The following TNS1 variants were observed in gnomAD, a reference collection of about 807,000 sequenced individuals.
TNS1 encodes the protein tensin 1, also known as tensin-1.
In TNS1, 62 loss-of-function variants were observed where a neutral mutation model predicts 168.6. That is an observed-to-expected ratio of 0.37 (90% confidence interval 0.30 to 0.45). The LOEUF (loss-of-function observed/expected upper bound fraction) is 0.45, where lower values mean the gene tolerates loss of function less well. Among genes scored for constraint, TNS1 ranks in the 20% least tolerant of loss-of-function variants. The pLI is 1.00. For synonymous variants in TNS1, 934 were observed against 933.2 expected, an observed-to-expected ratio of 1.00 and a Z score of -0.02; for missense variants, 2,240 against 2,339.4, an observed-to-expected ratio of 0.96 and a Z score of 0.88.
At chr2:217,905,047 G>C (rs964275282) in intron 6 of TNS1, among the ~76,000 whole-genome samples, 1 of 152,226 alleles carries the variant, frequency 6.6e-6, no homozygotes, top group East Asian at 1.9e-4. Context: ...GCCATACAGG[G>C]GTGTCAGGAG....
chr2:217,848,281 A>G lies in TNS1; in HGVS notation c.2236T>C (p.Ser746Pro). The G allele has an allele frequency of 6.5e-7, 1 of 1,548,716 alleles. No homozygotes were observed. The highest frequency in any genetic ancestry group is 8.7e-7 in the Non-Finnish European group (1 of 1,146,924). Residue 746 changes from serine to proline, a missense_variant, in exon 19 of 33, where the codon TCC becomes CCC. By Grantham distance (74) the Ser-to-Pro change is moderately conservative (BLOSUM62 -1). This residue lies in a region of TNS1 where 2,131 missense variants were observed against 2,171.2 expected (regional missense o/e 0.98). Coordinates refer to ENST00000682258, the MANE Select transcript of TNS1 (RefSeq NM_001387777.1). ...AGCTGGGGTTCAGCTTCCGAAAAGGATTGAGAGCGGAACATACCGCTGGGG... is the reference window on the plus strand; with the variant it reads ...AGCTGGGGTTCAGCTTCCGAAAAGGGTTGAGAGCGGAACATACCGCTGGGG... The part of the protein sequence containing the change: ...HDPSGMFRSQ[S>P]FSEAEPQLPP...
At chr2:217,858,839 A>G (rs1037358596) in intron 18 of TNS1, among the ~76,000 whole-genome samples, 8 of 151,986 alleles carry the variant, frequency 5.3e-5, no homozygotes, top group Non-Finnish European at 7.4e-5. Flanking sequence ...GGCTTCACTT[A>G]TCATCCTGCA....
rs769499196 is a variant in TNS1, at chr2:217,817,711, A to G, written c.4621T>C (p.Phe1541Leu). The G allele has an allele frequency of 1.3e-6, 2 of 1,599,240 alleles. No individual in the cohort carries two copies. Among genetic ancestry groups the G allele is most frequent in the Non-Finnish European group, 1.7e-6 (2 of 1,169,148 alleles). ...CCACCTGGCATGGAGTACTTGGAGAAGTCGGGCAGAGTGTGGGAGAAGGAG... is the reference window on the plus strand; with the variant it reads ...CCACCTGGCATGGAGTACTTGGAGAGGTCGGGCAGAGTGTGGGAGAAGGAG... ...TVSFSHTLPD[F>L]SKYSMPDNSP... The change falls in exon 24 of 33, where the codon TTC becomes CTC. Residue 1541 changes from phenylalanine to leucine, a missense_variant. By Grantham distance (22) the Phe-to-Leu change is conservative. Coordinates refer to ENST00000682258, the MANE Select transcript of TNS1 (RefSeq NM_001387777.1).
chr2:217,868,177 T>G (rs1949452373), intron 18 of TNS1, among the ~76,000 whole-genome samples: 1 of 152,146 alleles, frequency 6.6e-6, no homozygotes, highest in Non-Finnish European at 1.5e-5. Context: ...TGATGTGGGG[T>G]TTTTCCTTCT....
intron 1 of TNS1, among the ~76,000 whole-genome samples, chr2:218,018,777 G>A (rs780202936): frequency 6.6e-6 from 1 of 152,174 alleles, no homozygotes; most frequent in Non-Finnish European, 1.5e-5. Flanking sequence ...GCAAACATTG[G>A]CCTGGAAATC....
chr2:217,917,342 G>A lies in TNS1; in HGVS notation c.228+2853C>T, dbSNP rs556441689. Among the ~76,000 whole-genome samples the A allele has an allele frequency of 1.6e-4, 25 of 152,266 alleles. No homozygotes were observed. The South Asian group carries it at 5.0e-3, about 30-fold the overall frequency. ...GCACCTACCGTGTGCAAGGCAGCGG[G>A]GACACAGCACCGAACAAAATAGATA... On this transcript the variant is annotated intron_variant, in intron 4 of 32. Transcript: ENST00000682258.
chr2:217,838,008 G>C (rs1036743299), intron 19 of TNS1, among the ~76,000 whole-genome samples: 4 of 152,234 alleles, frequency 2.6e-5, no homozygotes, highest in Admixed American at 2.6e-4. Flanking sequence ...AAACATTAGA[G>C]AGAAACAGAC....
At chr2:217,819,235 AGAGTGCTAGAATTG>A (rs1447814451) in intron 23 of TNS1, among the ~76,000 whole-genome samples, 1 of 152,148 alleles carries the variant, frequency 6.6e-6, no homozygotes, top group Non-Finnish European at 1.5e-5. Context: ...ACATTGACAG[AGAGTGCTAGAATTG>A]GGCTTTCACT....
intron 3 of TNS1, among the ~76,000 whole-genome samples, chr2:217,939,674 G>A (rs758236378): frequency 2.0e-5 from 3 of 147,140 alleles, no homozygotes; most frequent in Non-Finnish European, 3.0e-5. Context: ...CCAGGCCCCC[G>A]CCTTGCTGGT....
At chr2:217,910,331 T>C (rs6436019) in intron 4 of TNS1, among the ~76,000 whole-genome samples, 19,681 of 151,670 alleles carry the variant, frequency 0.13, 3,523 homozygotes, top group African/African-American at 0.41. Flanking sequence ...AATTTCCAAG[T>C]CCCCACCCCC....
intron 18 of TNS1, among the ~76,000 whole-genome samples, chr2:217,857,704 C>T (rs3791960): frequency 6.6e-6 from 1 of 152,000 alleles, no homozygotes; most frequent in East Asian, 1.9e-4. Flanking sequence ...ATCTGCCCTG[C>T]CCTGGATGGC....
At chr2:217,894,700 C>T (rs1194335856) in intron 9 of TNS1, among the ~76,000 whole-genome samples, 4 of 152,054 alleles carry the variant, frequency 2.6e-5, no homozygotes, top group Admixed American at 1.3e-4. Flanking sequence ...GCTGGAAGGT[C>T]GAAAGCAGCG....
intron 18 of TNS1, among the ~76,000 whole-genome samples, chr2:217,862,573 A>G (rs1057028434): frequency 6.6e-6 from 1 of 152,254 alleles, no homozygotes; most frequent in East Asian, 1.9e-4. Flanking sequence ...CAGTCAGCCC[A>G]GGCAATTTCC....
In TNS1 at chr2:217,802,940, G is replaced by C. The variant is rs1937685271; in HGVS notation, c.*1519C>G. The C allele has an allele frequency of 6.6e-6, 1 of 152,670 alleles. No homozygotes were observed. The highest frequency in any genetic ancestry group is 2.4e-5 in the African/African-American group (1 of 41,470). 9.5% of individuals were successfully genotyped at this position (152,670 alleles called of 1,614,324 possible). A position where few individuals can be genotyped will look rare whatever the true frequency, so the allele number is the denominator to read the frequency against. ...CTGGTGAATTTTCCATTCTGGCTTA[G>C]AGTCCTTAAATGGTGGTCAGGTGTT... On this transcript the variant is annotated 3_prime_UTR_variant, in exon 33 of 33. Coordinates refer to ENST00000682258, the MANE Select transcript of TNS1 (RefSeq NM_001387777.1).
At chr2:217,959,112 C>T (rs1050226025) in intron 3 of TNS1, among the ~76,000 whole-genome samples, 1 of 152,206 alleles carries the variant, frequency 6.6e-6, no homozygotes, top group African/African-American at 2.4e-5. Context: ...CCCAGGAGTC[C>T]TGGTTTCACC....
chr2:217,946,028 C>T (rs1395330055), intron 3 of TNS1, among the ~76,000 whole-genome samples: 1 of 152,218 alleles, frequency 6.6e-6, no homozygotes. Flanking sequence ...TCCCAACGGA[C>T]ATCAAAGCGT....
intron 2 of TNS1, among the ~76,000 whole-genome samples, chr2:217,990,291 C>T (rs376273636): frequency 6.1e-5 from 9 of 148,346 alleles, no homozygotes; most frequent in African/African-American, 1.5e-4. Flanking sequence ...CAGCCACATA[C>T]CATCCACACA....
upstream of TNS1, among the ~76,000 whole-genome samples, chr2:218,012,821 C>A (rs1290004653): frequency 1.3e-5 from 2 of 152,158 alleles, no homozygotes; most frequent in African/African-American, 4.8e-5. Context: ...AAGATTCTAG[C>A]CAGGACCCCC....
intron 3 of TNS1, among the ~76,000 whole-genome samples, chr2:217,930,178 G>T (rs930630341): frequency 3.9e-5 from 6 of 152,200 alleles, no homozygotes; most frequent in Non-Finnish European, 8.8e-5. Flanking sequence ...TGAGCTAGGG[G>T]CTATCAGTCC....
Sources: allele counts gnomAD v4.1 joint callset (sites outside exome capture counted in the v4.1 genomes callset), GRCh38; gene constraint gnomAD v4.1.1; regional missense constraint gnomAD v4.1.1; transcripts MANE v1.5; gene names NCBI Gene and HGNC (gene_info 2026-07-23, HGNC 2026-07-21).